Variants in VWA8 observed in about 807,000 individuals in gnomAD.
The protein encoded by VWA8 is von Willebrand factor A domain containing 8.
VWA8 carries 221 observed loss-of-function variants against 241.5 expected under a neutral mutation model. That is an observed-to-expected ratio of 0.91 (90% CI 0.82 to 1.02). The LOEUF (loss-of-function observed/expected upper bound fraction) is 1.02, where lower values mean the gene tolerates loss of function less well. Among genes scored for constraint, VWA8 ranks in the 50% least tolerant of loss-of-function variants. VWA8 has a pLI of 0.00. For missense variants in VWA8, 2,322 were observed against 2,328.7 expected, an observed-to-expected ratio of 1.00 and a Z score of 0.06; for synonymous variants, 852 against 827.1, an observed-to-expected ratio of 1.03 and a Z score of -0.52.
chr13:41,920,506 T>G (rs941347966), intron 2 of VWA8, among the ~76,000 whole-genome samples: 55 of 152,204 alleles, frequency 3.6e-4, no homozygotes, highest in African/African-American at 1.3e-3. Context: ...AGAAGCTGGT[T>G]TTTTGAAAAG....
At chr13:41,698,498 T>G (rs1406598589) in intron 29 of VWA8, among the ~76,000 whole-genome samples, 1 of 152,160 alleles carries the variant, frequency 6.6e-6, no homozygotes, top group East Asian at 1.9e-4. Flanking sequence ...CCATAGTAAA[T>G]GACGGATAGA....
chr13:41,724,735 G>A (rs2045418893), intron 24 of VWA8, among the ~76,000 whole-genome samples: 1 of 152,176 alleles, frequency 6.6e-6, no homozygotes, highest in African/African-American at 2.4e-5. Context: ...GAATGAGACT[G>A]GTGGGAAAAT....
At chr13:41,660,033 T>A (rs1228591569) in intron 37 of VWA8, among the ~76,000 whole-genome samples, 1 of 152,240 alleles carries the variant, frequency 6.6e-6, no homozygotes, top group African/African-American at 2.4e-5. Context: ...GATATTGATA[T>A]AGGAAAAAGT....
At position 41,571,917 on chromosome 13, in the gene VWA8, G is replaced by A. The variant is rs548357698; in HGVS notation, c.5371-1211C>T. 9.3e-3 allele frequency among the ~76,000 whole-genome samples: 1,409 copies of A among 152,114 alleles called. 20 individuals are homozygous for A. Among genetic ancestry groups the A allele is most frequent in the Non-Finnish European group, 0.012 (833 of 67,976 alleles). The stretch of plus-strand genomic sequence containing the variant: ...TAGGAAGTGAGGAGTGTCTCTGCCC[G>A]GCCGCCCATCGTCTGAGATGTGAGG... On this transcript the variant is annotated intron_variant, in intron 43 of 44. Transcript: ENST00000379310.
intron 17 of VWA8, 39 bp downstream of exon 17, chr13:41,811,186 A>G: frequency 6.6e-7 from 1 of 1,518,424 alleles, no homozygotes; most frequent in Non-Finnish European, 9.1e-7. Flanking sequence ...TTTAGTGAAG[A>G]TCCAGAAACT....
rs1456529929 is a variant in VWA8 at position 41,784,735 on chromosome 13, C to CATAT, written c.2171-835_2171-834insATAT. ...ATATATATATATATATATATACACA[C>CATAT]ACATATATATATATATATATATATA... On this transcript the variant is annotated intron_variant, in intron 18 of 44. Coordinates refer to ENST00000379310, the MANE Select transcript of VWA8 (RefSeq NM_015058.2). 1.9e-4 allele frequency among the ~76,000 whole-genome samples: 9 copies of CATAT among 47,632 alleles called. 1 individual carries two copies. The highest frequency in any genetic ancestry group is 2.8e-4 in the African/African-American group (5 of 17,740). 31.2% of individuals were successfully genotyped at this position (47,632 alleles called of 152,430 possible). A position where few individuals can be genotyped will look rare whatever the true frequency, so the allele number is the denominator to read the frequency against.
intron 21 of VWA8, among the ~76,000 whole-genome samples, chr13:41,760,653 A>G (rs937525051): frequency 2.0e-5 from 3 of 152,006 alleles, no homozygotes; most frequent in Admixed American, 6.6e-5. Flanking sequence ...CTGAACCAGC[A>G]TTCTAACCAT....
At chr13:41,664,720 G>A (rs1345446795) in intron 37 of VWA8, among the ~76,000 whole-genome samples, 5 of 152,102 alleles carry the variant, frequency 3.3e-5, no homozygotes, top group Non-Finnish European at 5.9e-5. Context: ...GAACTACACA[G>A]TATCTTCAAG....
At chr13:41,720,590 A>G (rs1431892599) in intron 25 of VWA8, among the ~76,000 whole-genome samples, 1 of 152,156 alleles carries the variant, frequency 6.6e-6, no homozygotes, top group Non-Finnish European at 1.5e-5. Flanking sequence ...AATATACATT[A>G]CATTGATATT....
chr13:41,710,453 T>G (rs983059797), intron 26 of VWA8, among the ~76,000 whole-genome samples: 1 of 152,220 alleles, frequency 6.6e-6, no homozygotes, highest in Non-Finnish European at 1.5e-5. Flanking sequence ...GCAAATGGAA[T>G]GGCTGTGAAG....
chr13:41,753,881 G>C (rs984628945), intron 21 of VWA8, among the ~76,000 whole-genome samples: 33 of 152,110 alleles, frequency 2.2e-4, no homozygotes, highest in African/African-American at 8.0e-4. Flanking sequence ...CCATAGATTA[G>C]AGAAGTCTTA....
intron 40 of VWA8, 111 bp downstream of exon 40, chr13:41,605,057 G>T: frequency 1.0e-6 from 1 of 959,348 alleles, no homozygotes. Flanking sequence ...TTCACACTGA[G>T]ACATTTTTTC....
intron 40 of VWA8, among the ~76,000 whole-genome samples, chr13:41,598,236 T>C (rs2044500676): frequency 6.6e-6 from 1 of 152,100 alleles, no homozygotes. Context: ...GTAACATAAA[T>C]TGTTACACTT....
intron 9 of VWA8, among the ~76,000 whole-genome samples, chr13:41,881,479 C>T (rs938026592): frequency 1.7e-5 from 2 of 116,702 alleles, no homozygotes; most frequent in South Asian, 6.6e-4. Flanking sequence ...TACACAGACA[C>T]GGCAACCATC....
intron 5 of VWA8, among the ~76,000 whole-genome samples, chr13:41,888,055 G>C (rs2138080985): frequency 6.6e-6 from 1 of 152,292 alleles, no homozygotes; most frequent in Admixed American, 6.5e-5. Context: ...CTAAATGTTA[G>C]CGTATGCATG....
intron 37 of VWA8, among the ~76,000 whole-genome samples, chr13:41,647,773 T>G (rs1420454869): frequency 6.6e-6 from 1 of 152,170 alleles, no homozygotes; most frequent in Non-Finnish European, 1.5e-5. Context: ...GTGGATCACT[T>G]GAGGTCAGGA....
At chr13:41,616,939 T>G (rs1566389088) in intron 37 of VWA8, among the ~76,000 whole-genome samples, 1 of 152,162 alleles carries the variant, frequency 6.6e-6, no homozygotes, top group Non-Finnish European at 1.5e-5. Flanking sequence ...ATTTCAAAAC[T>G]GGTACAGTTT....
At position 41,907,654 on chromosome 13, in the gene VWA8, C is replaced by T; in HGVS notation, c.415G>A (p.Asp139Asn). 3 of 1,614,140 alleles carry T rather than the reference C, an allele frequency of 1.9e-6. No homozygotes were observed. Among genetic ancestry groups the T allele is most frequent in the Non-Finnish European group, 2.5e-6 (3 of 1,180,000 alleles). ...REVEYIALSRDTTETDLKQRR... is the reference protein window; with the variant it reads ...REVEYIALSRNTTETDLKQRR... ...TGTTTGAGATCAGTTTCAGTGGTGTCCCTTGACAGGGCAATGTATTCGACC... is the reference window on the plus strand; with the variant it reads ...TGTTTGAGATCAGTTTCAGTGGTGTTCCTTGACAGGGCAATGTATTCGACC... The change falls in exon 4 of 45, where the codon GAC (aspartate) becomes AAC (asparagine). Residue 139 changes from aspartate (D) to asparagine (N), a missense_variant. Transcript: ENST00000379310.
chr13:41,573,819 G>A (rs2044332054), intron 43 of VWA8, among the ~76,000 whole-genome samples: 2 of 151,388 alleles, frequency 1.3e-5, no homozygotes, highest in Non-Finnish European at 1.5e-5. Flanking sequence ...ATGGGATTTC[G>A]CCAGGTTGGC....
Sources: allele counts gnomAD v4.1 joint callset (sites outside exome capture counted in the v4.1 genomes callset), GRCh38; gene constraint gnomAD v4.1.1; transcripts MANE v1.5; gene names NCBI Gene and HGNC (gene_info 2026-07-23, HGNC 2026-07-21).